CHST4: variants seen among roughly 807,000 people sequenced by gnomAD.
CHST4 encodes GST-3.
For synonymous variants in CHST4, 171 were observed against 195.5 expected (o/e 0.87, Z 1.05); for missense variants, 466 against 506.0 (o/e 0.92, Z 0.76).
intron 1 of CHST4, among the ~76,000 whole-genome samples, chr16:71,535,838 C>T (rs565425230): frequency 1.3e-5 from 2 of 152,120 alleles, no homozygotes; most frequent in Admixed American, 6.6e-5. Context: ...GATACAAGGT[C>T]GACATTGGAT....
intron 1 of CHST4, 50 bp from the exon 2 acceptor site, chr16:71,536,610 A>G: frequency 3.0e-6 from 4 of 1,327,352 alleles, no homozygotes; most frequent in Non-Finnish European, 3.9e-6. Flanking sequence ...AATAGAAGGC[A>G]AACAATAAAA....
At chr16:71,534,346 T>C (rs1434411657) in intron 1 of CHST4, among the ~76,000 whole-genome samples, 2 of 121,502 alleles carry the variant, frequency 1.6e-5, no homozygotes, top group Non-Finnish European at 3.2e-5. Context: ...CAACATTTCT[T>C]TCTTTTTTTT....
rs756483859 is a variant in CHST4 at position 71,537,783 on chromosome 16, G to A, written c.1106G>A (p.Arg369Lys). Residue 369 changes from arginine (R) to lysine (K), a missense_variant, in exon 2 of 2, where the codon AGA (arginine) becomes AAA (lysine). Transcript: ENST00000539698. This position sits in a 1 kb window ranked among gnomAD's most constrained non-coding sequence, Gnocchi z 4.2. Reference protein sequence around the residue: ...YRHVRSEQEQRNLLLDLLSTW... With the variant: ...YRHVRSEQEQKNLLLDLLSTW... ...CACGTCAGATCTGAACAAGAACAGA[G>A]AAACCTGTTGCTGGATCTTCTGTCT... The A allele has an allele frequency of 6.2e-7, 1 of 1,614,196 alleles. No homozygotes were observed. The highest frequency in any genetic ancestry group is 8.5e-7 in the Non-Finnish European group (1 of 1,180,050).
chr16:71,536,455 G>A (rs901990935), intron 1 of CHST4: 1 of 396,730 alleles, frequency 2.5e-6, no homozygotes, highest in African/African-American at 2.1e-5. Flanking sequence ...TAAAGACCCT[G>A]AAGGAGAACA....
chr16:71,537,810 C>G lies in CHST4; in HGVS notation c.1133C>G (p.Thr378Ser), dbSNP rs1261299965. The change falls in exon 2 of 2, where the codon ACC (threonine) becomes AGC (serine). Residue 378 changes from threonine to serine, a missense_variant. Coordinates refer to ENST00000539698, the MANE Select transcript of CHST4 (RefSeq NM_001166395.2). The surrounding 1 kb of genome is among the most constrained non-coding windows in gnomAD (Gnocchi z 4.2). ...AACCTGTTGCTGGATCTTCTGTCTA[C>G]CTGGACTGTCCCTGAGCAAATCCAC... ...QRNLLLDLLS[T>S]WTVPEQIH 3.1e-6 allele frequency: 5 copies of G among 1,613,544 alleles called. No individual in the cohort carries two copies. The highest frequency in any genetic ancestry group is 4.2e-6 in the Non-Finnish European group (5 of 1,179,792).
In CHST4 at chr16:71,538,726, G is replaced by C. The variant is rs1287724449; in HGVS notation, c.*888G>C. On this transcript the variant is annotated 3_prime_UTR_variant, in exon 2 of 2. Transcript: ENST00000539698. ...GTCTATACCCTCTTAAGAATTGGTG[G>C]AAAATAGACAATTAGCAGCTAAGCC... The C allele has an allele frequency of 6.5e-6, 1 of 153,956 alleles. No individual in the cohort carries two copies. The highest frequency in any genetic ancestry group is 1.9e-4 in the East Asian group (1 of 5,196). The allele number at this position is 153,956 out of a possible 1,614,324, so 9.5% of individuals were successfully genotyped here. A position where few individuals can be genotyped will look rare whatever the true frequency, so the allele number is the denominator to read the frequency against.
intron 1 of CHST4, among the ~76,000 whole-genome samples, chr16:71,536,338 C>T (rs2043988222): frequency 6.6e-6 from 1 of 152,142 alleles, no homozygotes; most frequent in South Asian, 2.1e-4. Flanking sequence ...ATCAGGGCAC[C>T]ATGATGGAGA....
At chr16:71,535,630 C>T (rs927302694) in intron 1 of CHST4, among the ~76,000 whole-genome samples, 1 of 152,048 alleles carries the variant, frequency 6.6e-6, no homozygotes, top group East Asian at 1.9e-4. Flanking sequence ...GGTTGTCCCA[C>T]GTAATCAAGT....
In CHST4 at chr16:71,538,069, G is replaced by A; in HGVS notation, c.*231G>A. 1 of 560,484 alleles carries A rather than the reference G, an allele frequency of 1.8e-6. No individual in the cohort carries two copies. The highest frequency in any genetic ancestry group is 3.2e-6 in the Non-Finnish European group (1 of 310,672). The allele number at this position is 560,484 out of a possible 1,614,324, so 34.7% of individuals were successfully genotyped here. A position where few individuals can be genotyped will look rare whatever the true frequency, so the allele number is the denominator to read the frequency against. ...CAGCACATCCCACCAGTGAAACAGGGTATTGCTCTTCTTCTTTTCTTGATC... is the reference window on the plus strand; with the variant it reads ...CAGCACATCCCACCAGTGAAACAGGATATTGCTCTTCTTCTTTTCTTGATC... On this transcript the variant is annotated 3_prime_UTR_variant, in exon 2 of 2. Transcript: ENST00000539698.
intron 1 of CHST4, among the ~76,000 whole-genome samples, chr16:71,533,253 C>T (rs1281395888): frequency 1.3e-5 from 2 of 151,692 alleles, no homozygotes; most frequent in Non-Finnish European, 2.9e-5. Flanking sequence ...GGTGAAACCT[C>T]GTTTCTACTA....
intron 1 of CHST4, among the ~76,000 whole-genome samples, chr16:71,527,344 C>A (rs7191509): frequency 6.6e-6 from 1 of 152,080 alleles, no homozygotes; most frequent in African/African-American, 2.4e-5. Flanking sequence ...TGACCATGGC[C>A]GGTGACACAG....
chr16:71,533,429 AAAAAAAAAAAAAC>A (rs796831154), intron 1 of CHST4, among the ~76,000 whole-genome samples: 3,442 of 149,752 alleles, frequency 0.023, 151 homozygotes, highest in African/African-American at 0.08. Context: ...TCTGTCTCAA[AAAAAAAAAAAAAC>A]AAAAAAAAAA....
intron 1 of CHST4, among the ~76,000 whole-genome samples, chr16:71,533,735 G>A (rs998887601): frequency 1.3e-5 from 2 of 151,994 alleles, no homozygotes; most frequent in East Asian, 1.9e-4. Context: ...ACAGGCACAA[G>A]CGCTTGTCAT....
intron 1 of CHST4, among the ~76,000 whole-genome samples, chr16:71,530,680 T>C (rs2043941811): frequency 6.6e-6 from 1 of 151,720 alleles, no homozygotes; most frequent in African/African-American, 2.4e-5. Context: ...GACAGGAGGA[T>C]CGAAAATCAC....
Position 71,537,467 on chromosome 16 carries a change from C to A in CHST4, c.790C>A (p.Pro264Thr). The change falls in exon 2 of 2, where the codon CCC becomes ACC. Residue 264 changes from proline (P) to threonine (T), a missense_variant. By Grantham distance (38) the Pro-to-Thr change is conservative. Coordinates refer to ENST00000539698, the MANE Select transcript of CHST4 (RefSeq NM_001166395.2). This position sits in a 1 kb window ranked among gnomAD's most constrained non-coding sequence, Gnocchi z 4.2. ...GATCTACAAGACCATCCAGTCCTTG[C>A]CCAAGGCCCTGCAGGAACGCTACCT... is the stretch of plus-strand genomic sequence containing the variant. The part of the protein sequence containing the change: ...LEIYKTIQSL[P>T]KALQERYLLV... The A allele has an allele frequency of 6.2e-7, 1 of 1,614,214 alleles. No individual in the cohort carries two copies. The highest frequency in any genetic ancestry group is 8.5e-7 in the Non-Finnish European group (1 of 1,180,046).
chr16:71,529,543 A>ATTTTTTTTTT lies in CHST4; in HGVS notation c.-19+3070_-19+3079dup, dbSNP rs1157747412. On this transcript the variant is annotated intron_variant, in intron 1 of 1. Transcript: ENST00000539698. The stretch of plus-strand genomic sequence containing the variant: ...ACTGTGCCTCTTCCCATGCTCATCT[A>ATTTTTTTTTT]TTTTTTTTTTTTTTTTTTTTTTTTT... Among the ~76,000 whole-genome samples the ATTTTTTTTTT allele has an allele frequency of 5.8e-4, 24 of 41,362 alleles. 6 individuals are homozygous for ATTTTTTTTTT. Among genetic ancestry groups the ATTTTTTTTTT allele is most frequent in the South Asian group, 1.4e-3 (1 of 726 alleles). The allele number at this position is 41,362 out of a possible 152,430, so 27.1% of individuals were successfully genotyped here.
Position 71,537,386 on chromosome 16 carries a change from A to C in CHST4, c.709A>C (p.Lys237Gln). The stretch of plus-strand genomic sequence containing the variant: ...GATGGGGCAGCATGAGCAAAAACTC[A>C]AGAAGGAGGACCAACCCTACTATGT... ...IVMGQHEQKL[K>Q]KEDQPYYVMQ... The change falls in exon 2 of 2, where the codon AAG becomes CAG. Residue 237 changes from lysine to glutamine, a missense_variant. By Grantham distance (53) the Lys-to-Gln change is moderately conservative. Transcript: ENST00000539698. The surrounding 1 kb of genome is among the most constrained non-coding windows in gnomAD (Gnocchi z 4.2). The C allele has an allele frequency of 6.2e-7, 1 of 1,614,028 alleles. No individual in the cohort carries two copies. The highest frequency in any genetic ancestry group is 8.5e-7 in the Non-Finnish European group (1 of 1,179,978).
At chr16:71,533,511 T>C (rs1035651075) in intron 1 of CHST4, among the ~76,000 whole-genome samples, 2 of 151,388 alleles carry the variant, frequency 1.3e-5, no homozygotes, top group Non-Finnish European at 2.9e-5. Flanking sequence ...GTGCTGGAAG[T>C]AGACTTTTCA....
In CHST4 at chr16:71,536,935, C is replaced by T. The variant is rs772550118; in HGVS notation, c.258C>T (p.Thr86=). 1.1e-5 allele frequency: 17 copies of T among 1,612,390 alleles called. No homozygotes were observed. Among genetic ancestry groups the T allele is most frequent in the African/African-American group, 8.0e-5 (6 of 74,888 alleles). ...TGTGGATGACCTTCAAGCAGAGCAC[C>T]GCCTGGATGCTGCACATGGCTGTGC... ...WHVWMTFKQS[T]AWMLHMAVRD... is the part of the protein sequence containing the mutation. The change falls in exon 2 of 2, where the codon ACC becomes ACT. Residue 86 remains threonine, a synonymous_variant. Transcript: ENST00000539698.
Sources: gnomAD v4.1 joint callset for allele counts (sites outside exome capture counted in the v4.1 genomes callset) on GRCh38, gnomAD v4.1.1 for gene constraint, Gnocchi (gnomAD v3.1) non-coding constraint, MANE v1.5 for transcripts, NCBI Gene and HGNC (gene_info 2026-07-23, HGNC 2026-07-21) for gene names.